The following HOOK1 variants were observed in gnomAD, a reference collection of about 807,000 sequenced individuals.
HOOK1 encodes hook microtubule tethering protein 1, also known as protein Hook homolog 1.
A neutral mutation model predicts 112.8 loss-of-function variants in HOOK1; 60 were observed. That is an observed-to-expected ratio of 0.53 (90% CI 0.43 to 0.66). HOOK1 has a LOEUF of 0.66. Among genes scored for constraint, HOOK1 ranks in the 30% least tolerant of loss-of-function variants. The probability of loss-of-function intolerance (pLI) is 0.00; values close to 1 mark genes in which losing one functional copy is unlikely to be tolerated. For synonymous variants in HOOK1, 294 were observed against 283.8 expected (o/e 1.04, Z -0.36); for missense variants, 770 against 856.0 (o/e 0.90, Z 1.25).
chr1:59,867,347 A>C lies in HOOK1; in HGVS notation c.1846-903A>C, dbSNP rs577009514. 6.6e-5 allele frequency among the ~76,000 whole-genome samples: 10 copies of C among 152,272 alleles called. 1 individual carries two copies. In the South Asian group the frequency reaches 1.0e-3, roughly 16 times the overall value. On this transcript the variant is annotated intron_variant, in intron 19 of 21. Coordinates refer to ENST00000371208, the MANE Select transcript of HOOK1 (RefSeq NM_015888.6). ...AGGGTAGGCACCATGTCTCCAATAA[A>C]TTGCTGAATCCTCATCTGCCAGTAT...
intron 3 of HOOK1, among the ~76,000 whole-genome samples, chr1:59,829,308 TGATG>T (rs1472418650): frequency 6.6e-6 from 1 of 152,148 alleles, no homozygotes; most frequent in East Asian, 1.9e-4. Flanking sequence ...ATTCACTTGT[TGATG>T]GATGTTTGAA....
chr1:59,860,928 T>C (rs2098413285), intron 15 of HOOK1, among the ~76,000 whole-genome samples: 1 of 151,906 alleles, frequency 6.6e-6, no homozygotes, highest in Non-Finnish European at 1.5e-5. Context: ...CACACGCCAC[T>C]ACGCCTGGCT....
At chr1:59,846,566 CCTTCCTTCCTTCCTTCCTTCCTCCCT>C (rs1559053131) in intron 9 of HOOK1, among the ~76,000 whole-genome samples, 4 of 76,134 alleles carry the variant, frequency 5.3e-5, no homozygotes, top group African/African-American at 2.3e-4. Flanking sequence ...TTCCTTCCTT[CCTTCCTTCCTTCCTTCCTTCCTCCCT>C]CCTCCCTCCC....
chr1:59,847,301 C>A, intron 10 of HOOK1, 116 bp downstream of exon 10: 1 of 896,606 alleles, frequency 1.1e-6, no homozygotes. Context: ...AAGTATTGAT[C>A]AGTTTTTAAT....
intron 9 of HOOK1, among the ~76,000 whole-genome samples, chr1:59,846,082 G>A (rs1319372745): frequency 1.3e-5 from 2 of 151,652 alleles, no homozygotes; most frequent in Non-Finnish European, 3.0e-5. Context: ...TGTTCAGTTT[G>A]GTAAGTTGTA....
At chr1:59,825,471 G>A (rs900307607) in intron 2 of HOOK1, among the ~76,000 whole-genome samples, 7 of 152,092 alleles carry the variant, frequency 4.6e-5, no homozygotes, top group East Asian at 1.9e-4. Context: ...AGATATTTGA[G>A]CATTTAACAT....
chr1:59,814,960 C>A lies in HOOK1; in HGVS notation c.-158C>A. 1.5e-6 allele frequency: 1 copy of A among 665,952 alleles called. No homozygotes were observed. The highest frequency in any genetic ancestry group is 2.5e-6 in the Non-Finnish European group (1 of 397,394). 41.3% of individuals were successfully genotyped at this position (665,952 alleles called of 1,614,324 possible). ...CGGGTGAGGAGGGGGTGACGCCGGA[C>A]GCGTCGACAGCGCGAGGGTTCGCGC... On this transcript the variant is annotated 5_prime_UTR_variant, in exon 1 of 22. Transcript: ENST00000371208.
chr1:59,815,337 C>T (rs950849971), intron 1 of HOOK1, 157 bp downstream of exon 1: 3 of 667,042 alleles, frequency 4.5e-6, no homozygotes, highest in East Asian at 2.9e-5. Context: ...ATGCCACCTG[C>T]GGGTCGACGG....
chr1:59,835,367 A>C lies in HOOK1; in HGVS notation c.429A>C (p.Thr143=), dbSNP rs762498587. Residue 143 remains threonine, a synonymous_variant, in exon 6 of 22, where the codon ACA becomes ACC. Transcript: ENST00000371208. ...KKQEHIQNIM[T]LEESVQHVVM... Reference sequence around the variant, plus strand: ...TAGAACATATTCAAAATATAATGACACTGGAAGAGTCTGTTCAACATGTGG... The same window carrying C: ...TAGAACATATTCAAAATATAATGACCCTGGAAGAGTCTGTTCAACATGTGG... The C allele has an allele frequency of 1.9e-6, 3 of 1,587,704 alleles. No homozygotes were observed. The highest frequency in any genetic ancestry group is 2.6e-6 in the Non-Finnish European group (3 of 1,157,144).
chr1:59,855,979 T>A (rs2098410458), intron 12 of HOOK1, among the ~76,000 whole-genome samples: 1 of 87,428 alleles, frequency 1.1e-5, no homozygotes, highest in African/African-American at 4.6e-5. Context: ...TATATATATA[T>A]ATATATTTTT....
chr1:59,824,642 T>C (rs566659626), intron 2 of HOOK1, among the ~76,000 whole-genome samples: 1 of 152,362 alleles, frequency 6.6e-6, no homozygotes, highest in East Asian at 1.9e-4. Flanking sequence ...AATAGTTTTT[T>C]TCTATTTACT....
In HOOK1 at chr1:59,873,041, C is replaced by T. The variant is rs1268359592; in HGVS notation, c.*76C>T. 1.8e-6 allele frequency: 2 copies of T among 1,102,806 alleles called. No individual in the cohort carries two copies. Among genetic ancestry groups the T allele is most frequent in the Middle Eastern group, 2.2e-4 (1 of 4,448 alleles). 68.3% of individuals were successfully genotyped at this position (1,102,806 alleles called of 1,614,324 possible). A position where few individuals can be genotyped will look rare whatever the true frequency, so the allele number is the denominator to read the frequency against. ...CCTTAAAATATTTTGTACCTTTCAA[C>T]TAACTACCAGATTGAAAAAGAGTTT... On this transcript the variant is annotated 3_prime_UTR_variant, in exon 22 of 22. Coordinates refer to ENST00000371208, the MANE Select transcript of HOOK1 (RefSeq NM_015888.6).
intron 6 of HOOK1, 80 bp downstream of exon 6, chr1:59,835,492 T>C: frequency 1.3e-6 from 1 of 793,166 alleles, no homozygotes. Flanking sequence ...TGCTTTTCTT[T>C]TTTAAAAACT....
intron 12 of HOOK1, among the ~76,000 whole-genome samples, chr1:59,849,679 T>A (rs1372751672): frequency 6.6e-6 from 1 of 151,696 alleles, no homozygotes; most frequent in Non-Finnish European, 1.5e-5. Flanking sequence ...TAATAACTGT[T>A]AATCTACTTG....
At chr1:59,852,771 T>C (rs926854038) in intron 12 of HOOK1, among the ~76,000 whole-genome samples, 1 of 151,820 alleles carries the variant, frequency 6.6e-6, no homozygotes, top group Admixed American at 6.6e-5. Context: ...TTTTTTAATA[T>C]AGATACAGCT....
At chr1:59,828,634 A>C (rs943517015) in intron 2 of HOOK1, 146 bp from the exon 3 acceptor site, 2 of 568,308 alleles carry the variant, frequency 3.5e-6, no homozygotes, top group African/African-American at 3.8e-5. Flanking sequence ...ACTTAATATG[A>C]TAAATTATTG....
In HOOK1 at chr1:59,839,696, G is replaced by C. The variant is rs1437296689; in HGVS notation, c.538-612G>C. ...TAGGCTTTATTGCTTTCTCTTGCCT[G>C]ATTGCCCTGGCCAGAACTTCCAATA... On this transcript the variant is annotated intron_variant, in intron 7 of 21. Coordinates refer to ENST00000371208, the MANE Select transcript of HOOK1 (RefSeq NM_015888.6). Among the ~76,000 whole-genome samples the C allele has an allele frequency of 2.6e-5, 4 of 152,094 alleles. No individual in the cohort carries two copies. The East Asian group carries it at 7.7e-4, about 29-fold the overall frequency.
chr1:59,867,606 T>C (rs903255658), intron 19 of HOOK1, among the ~76,000 whole-genome samples: 23 of 152,320 alleles, frequency 1.5e-4, no homozygotes, highest in Non-Finnish European at 2.8e-4. Flanking sequence ...CATTTCTGAA[T>C]TGGTTTTCTA....
intron 20 of HOOK1, among the ~76,000 whole-genome samples, chr1:59,869,834 A>G (rs1644027668): frequency 1.3e-5 from 2 of 152,128 alleles, no homozygotes; most frequent in East Asian, 3.9e-4. Context: ...CTTTCCCTGT[A>G]TTCCTTAGGG....
Sources: allele counts gnomAD v4.1 joint callset (sites outside exome capture counted in the v4.1 genomes callset), GRCh38; gene constraint gnomAD v4.1.1; transcripts MANE v1.5; gene names NCBI Gene and HGNC (gene_info 2026-07-23, HGNC 2026-07-21).